DPYD: variants seen among roughly 807,000 people sequenced by gnomAD.
DPYD encodes the protein dihydropyrimidine dehydrogenase.
DPYD carries 109 observed loss-of-function variants against 116.2 expected under a neutral mutation model. The ratio of observed to expected loss-of-function variants is 0.94; its 90% confidence interval spans 0.80 to 1.10. DPYD has a LOEUF of 1.10. Ranked by LOEUF, DPYD falls within the 50% of genes least tolerant of loss-of-function variation. DPYD has a pLI of 0.00. For synonymous variants in DPYD, 440 were observed against 432.0 expected (o/e 1.02, Z -0.23); for missense variants, 1,302 against 1,254.5 (o/e 1.04, Z -0.57).
intron 13 of DPYD, among the ~76,000 whole-genome samples, chr1:97,476,208 A>T (rs547562130): frequency 6.6e-6 from 1 of 152,350 alleles, no homozygotes; most frequent in East Asian, 1.9e-4. Flanking sequence ...CTGCTGTAAC[A>T]GATTCATCTC....
At chr1:97,708,467 G>T (rs549763043) in intron 5 of DPYD, among the ~76,000 whole-genome samples, 2 of 152,156 alleles carry the variant, frequency 1.3e-5, no homozygotes, top group African/African-American at 4.8e-5. Flanking sequence ...ATATTTACGT[G>T]TGTCTATTTC....
At chr1:97,306,890 T>C (rs1351943212) in intron 16 of DPYD, among the ~76,000 whole-genome samples, 1 of 151,936 alleles carries the variant, frequency 6.6e-6, no homozygotes, top group African/African-American at 2.4e-5. Context: ...CTTTTGTAAA[T>C]GTTACCAAGA....
At chr1:97,108,522 C>G (rs920352359) in intron 20 of DPYD, among the ~76,000 whole-genome samples, 1 of 152,130 alleles carries the variant, frequency 6.6e-6, no homozygotes, top group South Asian at 2.1e-4. Flanking sequence ...TAGGCTATAA[C>G]ATATGGATAT....
intron 5 of DPYD, among the ~76,000 whole-genome samples, chr1:97,716,497 C>G (rs923638404): frequency 6.6e-6 from 1 of 151,984 alleles, no homozygotes; most frequent in African/African-American, 2.4e-5. Flanking sequence ...TACATATGAT[C>G]TTACTGTATA....
At chr1:97,912,300 A>G (rs1233926243) in intron 1 of DPYD, among the ~76,000 whole-genome samples, 1 of 152,142 alleles carries the variant, frequency 6.6e-6, no homozygotes, top group Non-Finnish European at 1.5e-5. Flanking sequence ...TTGTGCTGAA[A>G]CATTGTTCTT....
chr1:97,307,306 G>C lies in DPYD; in HGVS notation c.2059-1009C>G, dbSNP rs58709651. ...TTTTTGAATAAAAGAAAAACCCAGA[G>C]AAATACAGTCATATATTTAAACTAT... On this transcript the variant is annotated intron_variant, in intron 16 of 22. Transcript: ENST00000370192. Among the ~76,000 whole-genome samples, 1,280 of 151,772 alleles carry C rather than the reference G, an allele frequency of 8.4e-3. 25 individuals carry two copies. The highest frequency in any genetic ancestry group is 0.029 in the African/African-American group (1,214 of 41,522).
chr1:97,853,493 G>T (rs1451469448), intron 2 of DPYD, among the ~76,000 whole-genome samples: 2 of 152,180 alleles, frequency 1.3e-5, no homozygotes, highest in African/African-American at 4.8e-5. Flanking sequence ...CCTTAAGGCT[G>T]ATTTTGTTCC....
chr1:97,335,346 G>A (rs1212363551), intron 16 of DPYD, among the ~76,000 whole-genome samples: 1 of 122,658 alleles, frequency 8.2e-6, no homozygotes, highest in South Asian at 2.8e-4. Context: ...ACACACACAC[G>A]ATGCCTGGGA....
intron 8 of DPYD, among the ~76,000 whole-genome samples, chr1:97,598,310 T>C (rs1167014382): frequency 6.6e-6 from 1 of 152,152 alleles, no homozygotes; most frequent in African/African-American, 2.4e-5. Flanking sequence ...TATTAATAAA[T>C]AAGGTATGTG....
intron 19 of DPYD, among the ~76,000 whole-genome samples, chr1:97,224,568 A>G: frequency 6.6e-6 from 1 of 151,926 alleles, no homozygotes; most frequent in African/African-American, 2.4e-5. Context: ...ATACAATATT[A>G]TTAACTAGAT....
chr1:97,757,100 T>C (rs1665293501), intron 3 of DPYD, among the ~76,000 whole-genome samples: 1 of 152,190 alleles, frequency 6.6e-6, no homozygotes, highest in Non-Finnish European at 1.5e-5. Flanking sequence ...CAAGAGGACA[T>C]TCATTCATTC....
chr1:97,382,646 C>T (rs1456744508), intron 14 of DPYD, among the ~76,000 whole-genome samples, 185 bp from the exon 15 acceptor site: 1 of 152,032 alleles, frequency 6.6e-6, no homozygotes, highest in Non-Finnish European at 1.5e-5. Context: ...ACATTTGGGG[C>T]TTTGGAATTA....
At chr1:97,430,131 G>C (rs1337572072) in intron 14 of DPYD, among the ~76,000 whole-genome samples, 6 of 152,036 alleles carry the variant, frequency 3.9e-5, no homozygotes, top group Non-Finnish European at 8.8e-5. Flanking sequence ...GCTAAATAAT[G>C]GCAACTCACA....
chr1:97,529,929 T>C (rs12043147), intron 12 of DPYD, among the ~76,000 whole-genome samples: 1 of 151,076 alleles, frequency 6.6e-6, no homozygotes, highest in Non-Finnish European at 1.5e-5. Context: ...TTTCTCTTTC[T>C]TTCCTTCTTT....
intron 16 of DPYD, among the ~76,000 whole-genome samples, chr1:97,307,032 C>T (rs1667215455): frequency 6.6e-6 from 1 of 151,794 alleles, no homozygotes; most frequent in Admixed American, 6.6e-5. Flanking sequence ...CTGTGATTTT[C>T]CAGGCTCTTA....
intron 2 of DPYD, among the ~76,000 whole-genome samples, chr1:97,847,332 A>G (rs552680109): frequency 1.1e-4 from 17 of 152,332 alleles, no homozygotes; most frequent in Middle Eastern, 6.8e-3. Context: ...ATACAAACTG[A>G]AAATAAATGA....
Position 97,573,753 on chromosome 1 carries a change from A to T in DPYD, c.1339+7T>A, listed in dbSNP as rs765191717. The T allele has an allele frequency of 1.9e-6, 3 of 1,613,470 alleles. No homozygotes were observed. The highest frequency in any genetic ancestry group is 2.5e-6 in the Non-Finnish European group (3 of 1,179,480). ...TGCATCACACATTTCAGCTCCCAGC[A>T]CTGTACCTTTAGGATCACTCAGAAC... On this transcript the variant is annotated splice_region_variant and intron_variant, in intron 11 of 22. Coordinates refer to ENST00000370192, the MANE Select transcript of DPYD (RefSeq NM_000110.4).
At chr1:97,325,518 G>T (rs537178483) in intron 16 of DPYD, among the ~76,000 whole-genome samples, 145 of 152,132 alleles carry the variant, frequency 9.5e-4, no homozygotes, top group Middle Eastern at 3.4e-3. Flanking sequence ...CTCTAACCAT[G>T]AAAGCTTTAC....
chr1:97,242,191 G>T (rs1307182137), intron 18 of DPYD, among the ~76,000 whole-genome samples: 1 of 117,470 alleles, frequency 8.5e-6, no homozygotes, highest in African/African-American at 3.1e-5. Context: ...CTTTTTTGAA[G>T]AATCTGTTCC....
Sources: allele counts gnomAD v4.1 joint callset (sites outside exome capture counted in the v4.1 genomes callset), GRCh38; gene constraint gnomAD v4.1.1; transcripts MANE v1.5; gene names NCBI Gene and HGNC (gene_info 2026-07-23, HGNC 2026-07-21).